TAF13: variants seen among roughly 807,000 people sequenced by gnomAD.
TAF13 encodes the protein transcription initiation factor TFIID subunit 13.
TAF13 carries 9 observed loss-of-function variants against 18.7 expected under a neutral mutation model. The observed-to-expected ratio is 0.48, with a 90% CI of 0.29 to 0.84. TAF13 has a LOEUF of 0.84. TAF13 is among the 40% of genes least tolerant of loss of function. The probability of loss-of-function intolerance (pLI) is 0.08; values close to 1 mark genes in which losing one functional copy is unlikely to be tolerated. For synonymous variants in TAF13, 49 were observed against 44.1 expected, an observed-to-expected ratio of 1.11 and a Z score of -0.44; for missense variants, 105 against 146.5, an observed-to-expected ratio of 0.72 and a Z score of 1.46.
chr1:109,068,661 G>GGAGA, intron 2 of TAF13, among the ~76,000 whole-genome samples: 1 of 152,182 alleles, frequency 6.6e-6, no homozygotes, highest in African/African-American at 2.4e-5. Flanking sequence ...ATCCACAGAG[G>GGAGA]TTCTTATCCT....
rs766023319 is a variant in TAF13, at chr1:109,066,229, C to T, written c.110G>A (p.Arg37Gln). ...KRKRLFSKEL[R>Q]CMMYGFGDDQ... is the part of the protein sequence containing the mutation. Reference sequence around the variant, plus strand: ...ATCCCCAAAGCCATACATCATACATCGCACTGTAAAAGAACAATCACTTAC... The same window carrying T: ...ATCCCCAAAGCCATACATCATACATTGCACTGTAAAAGAACAATCACTTAC... The change falls in exon 3 of 4, where the codon CGA becomes CAA. Residue 37 changes from arginine (R) to glutamine (Q), a missense_variant. By Grantham distance (43) the Arg-to-Gln change is conservative (BLOSUM62 1). Transcript: ENST00000338366. 24 of 1,596,712 alleles carry T rather than the reference C, an allele frequency of 1.5e-5. No individual in the cohort carries two copies. The East Asian group carries it at 3.8e-4, about 25-fold the overall frequency.
At chr1:109,074,042 C>T (rs1206764433) in intron 2 of TAF13, among the ~76,000 whole-genome samples, 1 of 152,178 alleles carries the variant, frequency 6.6e-6, no homozygotes, top group African/African-American at 2.4e-5. Context: ...AAGTAAGGAG[C>T]CCCTCTGCCC....
chr1:109,064,974 T>G (rs1663928915), intron 3 of TAF13, among the ~76,000 whole-genome samples: 1 of 152,112 alleles, frequency 6.6e-6, no homozygotes, highest in Non-Finnish European at 1.5e-5. Context: ...TATATGTAGA[T>G]TTTGTCTTCA....
Position 109,066,252 on chromosome 1 carries a change from T to C in TAF13, c.107-20A>G, listed in dbSNP as rs201363933. 2 of 1,155,510 alleles carry C rather than the reference T, an allele frequency of 1.7e-6. No homozygotes were observed. The highest frequency in any genetic ancestry group is 1.2e-6 in the Non-Finnish European group (1 of 851,006). 71.6% of individuals were successfully genotyped at this position (1,155,510 alleles called of 1,614,324 possible). ...ATCGCACTGTAAAAGAACAATCACT[T>C]ACTTTTGTTTACTTTTACAGATTTA... On this transcript the variant is annotated intron_variant, in intron 2 of 3. Coordinates refer to ENST00000338366, the MANE Select transcript of TAF13 (RefSeq NM_005645.4).
At position 109,068,823 on chromosome 1, in the gene TAF13, G is replaced by A. The variant is rs563197166; in HGVS notation, c.107-2591C>T. Among the ~76,000 whole-genome samples, 136 of 152,266 alleles carry A rather than the reference G, an allele frequency of 8.9e-4. 2 individuals are homozygous for A. Among genetic ancestry groups the A allele is most frequent in the Middle Eastern group, 3.4e-3 (1 of 292 alleles). On this transcript the variant is annotated intron_variant, in intron 2 of 3. Transcript: ENST00000338366. ...TTGAGACCAGCCTGACCAACATGGT[G>A]AAACCCCGTCTCTACTAAAAATACA... is the stretch of plus-strand genomic sequence containing the variant.
chr1:109,069,916 T>C (rs1571297673), intron 2 of TAF13, among the ~76,000 whole-genome samples: 4 of 152,282 alleles, frequency 2.6e-5, no homozygotes, highest in Admixed American at 2.6e-4. Context: ...GTACTTTTTT[T>C]TGCCTTTTTA....
At chr1:109,073,591 T>A (rs1664117968) in intron 2 of TAF13, among the ~76,000 whole-genome samples, 2 of 151,584 alleles carry the variant, frequency 1.3e-5, no homozygotes, top group South Asian at 4.3e-4. Flanking sequence ...TGGTCTCCGC[T>A]CCTGACCTCG....
At chr1:109,069,742 G>A (rs992300029) in intron 2 of TAF13, among the ~76,000 whole-genome samples, 13 of 151,908 alleles carry the variant, frequency 8.6e-5, no homozygotes, top group Non-Finnish European at 1.6e-4. Flanking sequence ...AGTACAAAGA[G>A]AAGAAAGTAG....
chr1:109,075,507 G>C (rs1664164495), intron 1 of TAF13, among the ~76,000 whole-genome samples: 1 of 152,128 alleles, frequency 6.6e-6, no homozygotes, highest in African/African-American at 2.4e-5. Context: ...AAAGAAAACT[G>C]ATGTTCAAAG....
chr1:109,070,130 C>T (rs1431945021), intron 2 of TAF13, among the ~76,000 whole-genome samples: 1 of 152,194 alleles, frequency 6.6e-6, no homozygotes, highest in Non-Finnish European at 1.5e-5. Flanking sequence ...GTTTCAGGTT[C>T]CCATACTATT....
At chr1:109,068,696 A>AAACTTAAC (rs1456897815) in intron 2 of TAF13, among the ~76,000 whole-genome samples, 1 of 152,058 alleles carries the variant, frequency 6.6e-6, no homozygotes, top group Non-Finnish European at 1.5e-5. Context: ...CCCAGTCCAG[A>AAACTTAAC]GACAAGCTTT....
intron 2 of TAF13, among the ~76,000 whole-genome samples, chr1:109,074,023 G>A (rs1481535632): frequency 2.0e-5 from 3 of 151,970 alleles, no homozygotes; most frequent in Non-Finnish European, 4.4e-5. Flanking sequence ...CAGGCCGCCC[G>A]CATCTGGGAA....
Position 109,075,044 on chromosome 1 carries a change from TTTC to T in TAF13, c.46_48del (p.Glu16del), listed in dbSNP as rs1664157374. 2 of 1,607,664 alleles carry T rather than the reference TTTC, an allele frequency of 1.2e-6. No homozygotes were observed. Among genetic ancestry groups the T allele is most frequent in the Non-Finnish European group, 1.7e-6 (2 of 1,178,244 alleles). ...TGTCCACCTTCTGCACCTCCTCCAA[TTTC>T]TTCATTTTCTTCCTCAAACTAGAAG... On this transcript the variant is annotated inframe_deletion, in exon 2 of 4. Coordinates refer to ENST00000338366, the MANE Select transcript of TAF13 (RefSeq NM_005645.4).
At chr1:109,065,199 T>TAC (rs1663931728) in intron 3 of TAF13, among the ~76,000 whole-genome samples, 3 of 152,144 alleles carry the variant, frequency 2.0e-5, no homozygotes, top group Admixed American at 2.0e-4. Context: ...TACTTAATAA[T>TAC]ACGGCATTGA....
intron 1 of TAF13, 69 bp downstream of exon 1, chr1:109,075,852 A>T: frequency 6.2e-7 from 1 of 1,604,338 alleles, no homozygotes; most frequent in East Asian, 2.2e-5. Flanking sequence ...CCGATCCTGA[A>T]CTCTGCCTCC....
intron 2 of TAF13, among the ~76,000 whole-genome samples, chr1:109,066,468 A>T (rs552141259): frequency 6.6e-6 from 1 of 152,174 alleles, no homozygotes; most frequent in African/African-American, 2.4e-5. Flanking sequence ...CACCTACTGA[A>T]CCCTAAGGTA....
intron 1 of TAF13, 129 bp from the exon 2 acceptor site, chr1:109,075,194 C>A: frequency 1.3e-6 from 1 of 747,602 alleles, no homozygotes; most frequent in Non-Finnish European, 2.2e-6. Flanking sequence ...AAAAAAAAAC[C>A]ACGAAACCTT....
chr1:109,068,253 A>T (rs1294628560), intron 2 of TAF13, among the ~76,000 whole-genome samples: 1 of 152,190 alleles, frequency 6.6e-6, no homozygotes, highest in Non-Finnish European at 1.5e-5. Flanking sequence ...CTCAAACTTT[A>T]GCCTCCAAGT....
Position 109,075,959 on chromosome 1 carries a change from G to A in TAF13, c.-12C>T. On this transcript the variant is annotated 5_prime_UTR_variant, in exon 1 of 4. Transcript: ENST00000338366. ...TCCTCATCTGCCATCCCACTAGCAC[G>A]CCAACTCACAGCGTCCTGCCGGCTG... 1.2e-6 allele frequency: 2 copies of A among 1,614,158 alleles called. No homozygotes were observed. The highest frequency in any genetic ancestry group is 1.7e-6 in the Non-Finnish European group (2 of 1,180,036).
Sources: gnomAD v4.1 joint callset for allele counts (sites outside exome capture counted in the v4.1 genomes callset) on GRCh38, gnomAD v4.1.1 for gene constraint, MANE v1.5 for transcripts, NCBI Gene and HGNC (gene_info 2026-07-23, HGNC 2026-07-21) for gene names.